The following TPP2 variants were observed in gnomAD, a reference collection of about 807,000 sequenced individuals.
TPP2 encodes the protein tripeptidyl peptidase 2.
Under a neutral mutation model 155.9 loss-of-function variants are expected in TPP2, and 34 were observed. That is an observed-to-expected ratio of 0.22 (90% CI 0.17 to 0.29). The LOEUF (loss-of-function observed/expected upper bound fraction) is 0.29. Ranked by LOEUF, TPP2 falls within the 10% of genes least tolerant of loss-of-function variation. TPP2 has a pLI of 1.00. For missense variants in TPP2, 1,028 were observed against 1,522.3 expected (o/e 0.68, Z 5.40); for synonymous variants, 510 against 529.4 (o/e 0.96, Z 0.50).
At chr13:102,626,238 T>A (rs1595158160) in intron 6 of TPP2, among the ~76,000 whole-genome samples, 1 of 152,216 alleles carries the variant, frequency 6.6e-6, no homozygotes, top group African/African-American at 2.4e-5. Context: ...TTTCAGATGG[T>A]TCAGCCTTTT....
Position 102,636,083 on chromosome 13 carries a change from T to G in TPP2, c.1510-141T>G, listed in dbSNP as rs1882359821. The G allele has an allele frequency of 4.2e-6, 3 of 722,296 alleles. No homozygotes were observed. In the South Asian group the frequency reaches 6.1e-5, roughly 15 times the overall value. The allele number at this position is 722,296 out of a possible 1,614,324, so 44.7% of individuals were successfully genotyped here. A position where few individuals can be genotyped will look rare whatever the true frequency, so the allele number is the denominator to read the frequency against. On this transcript the variant is annotated intron_variant, in intron 12 of 29. Transcript: ENST00000376052. Reference sequence around the variant, plus strand: ...AAAAATGTAGAATTGTCCTCTTAGTTGGGGTACTAGGTAGTTTTGAGAGGT... The same window carrying G: ...AAAAATGTAGAATTGTCCTCTTAGTGGGGGTACTAGGTAGTTTTGAGAGGT...
At position 102,652,453 on chromosome 13, in the gene TPP2, T is replaced by A. The variant is rs1037827685; in HGVS notation, c.2991+1056T>A. Among the ~76,000 whole-genome samples, 506 of 87,284 alleles carry A rather than the reference T, an allele frequency of 5.8e-3. 4 individuals are homozygous for A. The highest frequency in any genetic ancestry group is 0.01 in the Non-Finnish European group (402 of 39,832). 57.3% of individuals were successfully genotyped at this position (87,284 alleles called of 152,430 possible). A position where few individuals can be genotyped will look rare whatever the true frequency, so the allele number is the denominator to read the frequency against. On this transcript the variant is annotated intron_variant, in intron 24 of 29. Coordinates refer to ENST00000376052, the MANE Select transcript of TPP2 (RefSeq NM_001330588.2). ...ATATATATATATATATATATATATA[T>A]AAAAGGGACCACATATTTAATAAGC...
At chr13:102,621,773 C>T (rs1881186050) in intron 5 of TPP2, among the ~76,000 whole-genome samples, 1 of 152,028 alleles carries the variant, frequency 6.6e-6, no homozygotes, top group Admixed American at 6.6e-5. Context: ...GTTAGATGGG[C>T]TGGGGGAAGA....
chr13:102,639,319 T>A (rs1324188810), intron 15 of TPP2, among the ~76,000 whole-genome samples: 2 of 152,108 alleles, frequency 1.3e-5, no homozygotes, highest in African/African-American at 4.8e-5. Context: ...CTCTGGTAAA[T>A]ATTAAGTATG....
intron 2 of TPP2, among the ~76,000 whole-genome samples, chr13:102,608,902 G>T (rs1030793540): frequency 3.3e-5 from 5 of 152,198 alleles, no homozygotes; most frequent in African/African-American, 4.8e-5. Context: ...AAGAAAAGGT[G>T]ATTGGAAGCT....
At position 102,614,533 on chromosome 13, in the gene TPP2, C is replaced by G. The variant is rs574047058; in HGVS notation, c.390+337C>G. 2.4e-4 allele frequency among the ~76,000 whole-genome samples: 37 copies of G among 152,242 alleles called. No individual in the cohort carries two copies. The South Asian group carries it at 7.0e-3, about 29-fold the overall frequency. Reference sequence around the variant, plus strand: ...TTTTTTACTTGAAAAAGGCTAAAGACAGTGGATTCAAAATCCAGACCACCT... The same window carrying G: ...TTTTTTACTTGAAAAAGGCTAAAGAGAGTGGATTCAAAATCCAGACCACCT... On this transcript the variant is annotated intron_variant, in intron 3 of 29. Coordinates refer to ENST00000376052, the MANE Select transcript of TPP2 (RefSeq NM_001330588.2).
At chr13:102,654,787 G>A (rs1883745060) in intron 24 of TPP2, among the ~76,000 whole-genome samples, 1 of 152,184 alleles carries the variant, frequency 6.6e-6, no homozygotes. Flanking sequence ...ATTCCTAGAT[G>A]TGTTGTCTTT....
rs541742885 is a variant in TPP2, at chr13:102,614,540, T to A, written c.390+344T>A. Among the ~76,000 whole-genome samples the A allele has an allele frequency of 3.6e-4, 55 of 152,312 alleles. 1 individual carries two copies. The highest frequency in any genetic ancestry group is 1.3e-3 in the African/African-American group (53 of 41,558). ...CTTGAAAAAGGCTAAAGACAGTGGA[T>A]TCAAAATCCAGACCACCTTTTCGTT... is the stretch of plus-strand genomic sequence containing the variant. On this transcript the variant is annotated intron_variant, in intron 3 of 29. Transcript: ENST00000376052.
intron 15 of TPP2, among the ~76,000 whole-genome samples, chr13:102,639,716 T>A (rs1882629740): frequency 6.6e-6 from 1 of 152,264 alleles, no homozygotes; most frequent in Non-Finnish European, 1.5e-5. Flanking sequence ...CAAGAATTTG[T>A]CTCTAGCATA....
Position 102,649,598 on chromosome 13 carries a change from G to A in TPP2, c.2952+112G>A, listed in dbSNP as rs915410608. ...GGATAAAAGAGAAGATATACTCTTG[G>A]GGAAAAAAATTTAATCCTTTTTTCC... On this transcript the variant is annotated intron_variant, in intron 23 of 29. Transcript: ENST00000376052. 1.7e-5 allele frequency: 15 copies of A among 906,666 alleles called. No homozygotes were observed. The South Asian group carries it at 1.8e-4, about 11-fold the overall frequency. The allele number at this position is 906,666 out of a possible 1,614,324, so 56.2% of individuals were successfully genotyped here.
chr13:102,671,066 A>G (rs648934), intron 27 of TPP2, among the ~76,000 whole-genome samples: 100,994 of 152,112 alleles, frequency 0.66, 33,738 homozygotes, highest in Middle Eastern at 0.7. Context: ...TTCCTTGAGG[A>G]AGTACTTTCC....
intron 27 of TPP2, among the ~76,000 whole-genome samples, chr13:102,666,766 C>CTTTTTTTTTTTTTTTTTTTTTTT: frequency 2.3e-4 from 13 of 55,738 alleles, no homozygotes; most frequent in African/African-American, 3.1e-4. Context: ...TTTTTAATCT[C>CTTTTTTTTTTTTTTTTTTTTTTT]TTTTTTTTTT....
intron 16 of TPP2, 73 bp downstream of exon 16, chr13:102,640,449 GT>G: frequency 1.6e-6 from 2 of 1,232,860 alleles, no homozygotes; most frequent in Non-Finnish European, 1.2e-6. Flanking sequence ...TATGAGGTTC[GT>G]TTATCTGTAG....
chr13:102,649,612 A>G, intron 23 of TPP2, 126 bp downstream of exon 23: 1 of 759,446 alleles, frequency 1.3e-6, no homozygotes, highest in Non-Finnish European at 2.0e-6. Context: ...AAAAAATTTA[A>G]TCCTTTTTTC....
chr13:102,661,941 T>C (rs1206038672), intron 25 of TPP2, among the ~76,000 whole-genome samples: 1 of 152,072 alleles, frequency 6.6e-6, no homozygotes, highest in Admixed American at 6.5e-5. Flanking sequence ...CCAAGAAAAA[T>C]AAAAACCTAT....
intron 25 of TPP2, among the ~76,000 whole-genome samples, chr13:102,657,780 G>C (rs1883955501): frequency 6.6e-6 from 1 of 151,988 alleles, no homozygotes; most frequent in Non-Finnish European, 1.5e-5. Context: ...CCATCATATT[G>C]CATCTTAAAA....
At chr13:102,606,017 C>T (rs946866184) in intron 2 of TPP2, among the ~76,000 whole-genome samples, 1 of 152,178 alleles carries the variant, frequency 6.6e-6, no homozygotes, top group African/African-American at 2.4e-5. Context: ...CCAGGGCACT[C>T]GGCCTACCAG....
intron 6 of TPP2, among the ~76,000 whole-genome samples, chr13:102,624,811 C>T (rs181149680): frequency 7.1e-4 from 106 of 149,950 alleles, no homozygotes; most frequent in African/African-American, 2.4e-3. Flanking sequence ...GCTGAGAGAA[C>T]CAGTTGGATA....
At position 102,597,010 on chromosome 13, in the gene TPP2, G is replaced by A; in HGVS notation, c.-29G>A. The A allele has an allele frequency of 6.2e-7, 1 of 1,605,858 alleles. No homozygotes were observed. ...TAGTCCGCGCGCAGCCTGGCAGTTT[G>A]CCGCTTCCTCGTCCTCCATCCTGCG... is the stretch of plus-strand genomic sequence containing the variant. On this transcript the variant is annotated 5_prime_UTR_variant, in exon 1 of 30. Transcript: ENST00000376052.
Sources: allele counts gnomAD v4.1 joint callset (sites outside exome capture counted in the v4.1 genomes callset), GRCh38; gene constraint gnomAD v4.1.1; transcripts MANE v1.5; gene names NCBI Gene and HGNC (gene_info 2026-07-23, HGNC 2026-07-21).